The following ZMYM4 variants were observed in gnomAD, a reference collection of about 807,000 sequenced individuals.
ZMYM4 encodes zinc finger MYM-type protein 4.
ZMYM4 carries 31 observed loss-of-function variants against 183.2 expected under a neutral mutation model. The ratio of observed to expected loss-of-function variants is 0.17; its 90% CI spans 0.13 to 0.23. The LOEUF is 0.23. Among genes scored for constraint, ZMYM4 ranks in the 10% least tolerant of loss-of-function variants. The probability of loss-of-function intolerance (pLI) is 1.00; values close to 1 mark genes in which losing one functional copy is unlikely to be tolerated. For missense variants in ZMYM4, 1,273 were observed against 1,840.3 expected (o/e 0.69, Z 5.64); for synonymous variants, 592 against 631.2 (o/e 0.94, Z 0.93).
At position 35,399,248 on chromosome 1, in the gene ZMYM4, A is replaced by G. The variant is rs1201400; in HGVS notation, c.3433+205A>G. On this transcript the variant is annotated intron_variant, in intron 22 of 29. Coordinates refer to ENST00000314607, the MANE Select transcript of ZMYM4 (RefSeq NM_005095.3). Reference sequence around the variant, plus strand: ...TTCTTATAAGTGGTTAATGTGGTTAAAATTTTTTTTAACCTTTCCCGTAGT... The same window carrying G: ...TTCTTATAAGTGGTTAATGTGGTTAGAATTTTTTTTAACCTTTCCCGTAGT... Among the ~76,000 whole-genome samples the G allele has an allele frequency of 8.7e-3, 1,318 of 152,284 alleles. 22 individuals carry two copies. The highest frequency in any genetic ancestry group is 0.026 in the African/African-American group (1,066 of 41,548).
At chr1:35,352,569 G>A (rs2148889166) in intron 2 of ZMYM4, among the ~76,000 whole-genome samples, 1 of 152,250 alleles carries the variant, frequency 6.6e-6, no homozygotes, top group East Asian at 1.9e-4. Flanking sequence ...ACTCTGACTT[G>A]TACACTCATT....
At chr1:35,278,597 T>A (rs929223053) in intron 1 of ZMYM4, among the ~76,000 whole-genome samples, 2 of 152,128 alleles carry the variant, frequency 1.3e-5, no homozygotes, top group Non-Finnish European at 1.5e-5. Context: ...GGCTAATTTT[T>A]TGTATTTTTA....
intron 2 of ZMYM4, among the ~76,000 whole-genome samples, chr1:35,327,893 T>C (rs1342246859): frequency 6.6e-6 from 1 of 152,216 alleles, no homozygotes; most frequent in African/African-American, 2.4e-5. Context: ...TGTTCATCTT[T>C]GAACCAATTA....
intron 1 of ZMYM4, among the ~76,000 whole-genome samples, chr1:35,315,650 G>A (rs1259023400): frequency 1.3e-5 from 2 of 152,162 alleles, no homozygotes; most frequent in African/African-American, 2.4e-5. Flanking sequence ...AATTGTTAAT[G>A]TCTTAAAAAG....
At chr1:35,307,438 G>A (rs1365565007) in intron 1 of ZMYM4, among the ~76,000 whole-genome samples, 1 of 151,512 alleles carries the variant, frequency 6.6e-6, no homozygotes, top group East Asian at 1.9e-4. Context: ...GAAGGTAAAT[G>A]ATGTTTTTCT....
At chr1:35,352,004 A>G (rs1228749051) in intron 2 of ZMYM4, among the ~76,000 whole-genome samples, 4 of 152,190 alleles carry the variant, frequency 2.6e-5, no homozygotes, top group African/African-American at 9.7e-5. Context: ...TATTACACAA[A>G]GATTTTCCTC....
At chr1:35,382,159 C>A (rs11264146) in intron 9 of ZMYM4, among the ~76,000 whole-genome samples, 49 of 137,042 alleles carry the variant, frequency 3.6e-4, no homozygotes, top group African/African-American at 9.2e-4. Context: ...AAAAAAAAAA[C>A]AAAAATGTAT....
Position 35,358,928 on chromosome 1 carries a change from G to A in ZMYM4, c.89G>A (p.Gly30Asp). The A allele has an allele frequency of 6.2e-7, 1 of 1,609,160 alleles. No individual in the cohort carries two copies. Among genetic ancestry groups the A allele is most frequent in the Non-Finnish European group, 8.5e-7 (1 of 1,176,944 alleles). ...AVFDEIVENC[G>D]GIMDTEMSED... ...AAACAGTATTTTACTTTTTAAGGTG[G>A]TGGTATCATGGATACAGAAATGTCT... The change falls in exon 3 of 30, where the codon GGT (glycine) becomes GAT (aspartate). Residue 30 changes from glycine to aspartate, a missense_variant. This residue lies in a region of ZMYM4 where 384 missense variants were observed against 465.6 expected (regional missense o/e 0.82). Transcript: ENST00000314607.
chr1:35,352,257 GCACGCGCGCGCGCACA>G (rs1244271543), intron 2 of ZMYM4, among the ~76,000 whole-genome samples: 6 of 99,862 alleles, frequency 6.0e-5, no homozygotes, highest in African/African-American at 2.1e-4. Context: ...AAATTAGCGC[GCACGCGCGCGCGCACA>G]CACACACACA....
At chr1:35,371,111 A>G (rs1482427317) in intron 7 of ZMYM4, among the ~76,000 whole-genome samples, 6 of 119,056 alleles carry the variant, frequency 5.0e-5, no homozygotes, top group Middle Eastern at 4.0e-3. Context: ...GTGTGTGCGC[A>G]CATTTATTTA....
chr1:35,407,941 T>C, intron 25 of ZMYM4, 67 bp from the exon 26 acceptor site: 1 of 1,594,482 alleles, frequency 6.3e-7, no homozygotes, highest in Non-Finnish European at 8.6e-7. Context: ...TCAATGTTTA[T>C]TCAGTTAATC....
At chr1:35,368,544 G>T (rs1332161132) in intron 5 of ZMYM4, among the ~76,000 whole-genome samples, 1 of 152,110 alleles carries the variant, frequency 6.6e-6, no homozygotes, top group Non-Finnish European at 1.5e-5. Flanking sequence ...AACAAAGTGG[G>T]AAAATACTTT....
At chr1:35,270,710 G>T (rs2148659504) in intron 1 of ZMYM4, among the ~76,000 whole-genome samples, 1 of 152,098 alleles carries the variant, frequency 6.6e-6, no homozygotes, top group African/African-American at 2.4e-5. Context: ...CAGGGAGGCG[G>T]TGGTAGCAGT....
chr1:35,382,371 TAC>T (rs1644482971), intron 9 of ZMYM4, among the ~76,000 whole-genome samples: 1 of 151,806 alleles, frequency 6.6e-6, no homozygotes, highest in Non-Finnish European at 1.5e-5. Context: ...TAAATATTCA[TAC>T]AGAGTTCTAT....
At chr1:35,282,501 T>G (rs1008757290) in intron 1 of ZMYM4, among the ~76,000 whole-genome samples, 1 of 152,204 alleles carries the variant, frequency 6.6e-6, no homozygotes, top group Non-Finnish European at 1.5e-5. Flanking sequence ...AGTACAGGTA[T>G]GTACCTAGAA....
chr1:35,343,457 G>A (rs1643277482), intron 2 of ZMYM4, among the ~76,000 whole-genome samples: 2 of 152,090 alleles, frequency 1.3e-5, no homozygotes, highest in South Asian at 2.1e-4. Flanking sequence ...ACTTTTGTGG[G>A]AAGTCATTTG....
chr1:35,370,319 A>G lies in ZMYM4; in HGVS notation c.926-53A>G. ...CTACTTAAAATTCATGGTAAAAAGT[A>G]AAACATTTTTTTCTTTCAATTTTTT... On this transcript the variant is annotated intron_variant, in intron 6 of 29. Transcript: ENST00000314607. The G allele has an allele frequency of 5.5e-6, 8 of 1,462,842 alleles. No individual in the cohort carries two copies. The South Asian group carries it at 8.7e-5, about 16-fold the overall frequency. The allele number at this position is 1,462,842 out of a possible 1,614,324, so 90.6% of individuals were successfully genotyped here. A position where few individuals can be genotyped will look rare whatever the true frequency, so the allele number is the denominator to read the frequency against.
At chr1:35,356,602 T>C (rs1406038721) in intron 2 of ZMYM4, among the ~76,000 whole-genome samples, 4 of 152,228 alleles carry the variant, frequency 2.6e-5, no homozygotes, top group African/African-American at 9.6e-5. Flanking sequence ...TGGACTCAAA[T>C]CATTATTTAC....
chr1:35,377,211 T>C (rs907357572), intron 7 of ZMYM4, among the ~76,000 whole-genome samples: 4 of 152,230 alleles, frequency 2.6e-5, no homozygotes, highest in African/African-American at 9.6e-5. Flanking sequence ...CTGGCCCATA[T>C]GTGGACCATA....
Sources: allele counts gnomAD v4.1 joint callset (sites outside exome capture counted in the v4.1 genomes callset), GRCh38; gene constraint gnomAD v4.1.1; regional missense constraint gnomAD v4.1.1; transcripts MANE v1.5; gene names NCBI Gene and HGNC (gene_info 2026-07-23, HGNC 2026-07-21).